ERCC2: variants seen among roughly 807,000 people sequenced by gnomAD.
ERCC2 encodes the protein ERCC excision repair 2, TFIIH core complex helicase subunit.
In ERCC2, 90 loss-of-function variants were observed where a neutral mutation model predicts 99.4. The observed-to-expected ratio is 0.91, with a 90% CI of 0.76 to 1.08. The LOEUF (loss-of-function observed/expected upper bound fraction) is 1.08, where lower values mean the gene tolerates loss of function less well. Ranked by LOEUF, ERCC2 falls within the 50% of genes least tolerant of loss-of-function variation. The probability of loss-of-function intolerance (pLI) is 0.00; values close to 1 mark genes in which losing one functional copy is unlikely to be tolerated. For missense variants in ERCC2, 993 were observed against 1,038.1 expected (o/e 0.96, Z 0.60); for synonymous variants, 497 against 432.4 (o/e 1.15, Z -1.85).
chr19:45,355,078 C>T (rs758827988), intron 16 of ERCC2, among the ~76,000 whole-genome samples: 31 of 152,304 alleles, frequency 2.0e-4, no homozygotes, highest in Non-Finnish European at 3.7e-4. Context: ...CAGAAGGGGC[C>T]GGGCGCTGTG....
rs925666617 is a variant in ERCC2 at position 45,351,444 on chromosome 19, T to C, written c.*185A>G. 2 of 1,585,098 alleles carry C rather than the reference T, an allele frequency of 1.3e-6. No homozygotes were observed. The highest frequency in any genetic ancestry group is 2.7e-5 in the African/African-American group (2 of 74,576). ...GGGTGAGAGGGGGTCTATCATCTCC[T>C]GGCCCCCCCTTGCCTCTGGGTACCT... is the stretch of plus-strand genomic sequence containing the variant. On this transcript the variant is annotated 3_prime_UTR_variant, in exon 23 of 23. Coordinates refer to ENST00000391945, the MANE Select transcript of ERCC2 (RefSeq NM_000400.4).
intron 12 of ERCC2, among the ~76,000 whole-genome samples, chr19:45,360,652 A>G (rs1972187962): frequency 6.6e-6 from 1 of 151,212 alleles, no homozygotes; most frequent in African/African-American, 2.4e-5. Context: ...TGCTGGGATT[A>G]TGGGCGTGAG....
At chr19:45,355,811 A>G in intron 15 of ERCC2, 83 bp from the exon 16 acceptor site, 2 of 958,868 alleles carry the variant, frequency 2.1e-6, no homozygotes, top group Admixed American at 4.4e-5. Context: ...GTGCTGTTCT[A>G]AGCTTTTTTT....
At chr19:45,352,162 G>A in intron 22 of ERCC2, 47 bp downstream of exon 22, 1 of 1,605,828 alleles carries the variant, frequency 6.2e-7, no homozygotes, top group Non-Finnish European at 8.5e-7. Flanking sequence ...CTTTCTGGAG[G>A]AGAAGCTCAG....
chr19:45,350,601 G>T lies in ERCC2; in HGVS notation c.*1028C>A, dbSNP rs374863110. The T allele has an allele frequency of 4.0e-5, 65 of 1,613,482 alleles. No individual in the cohort carries two copies. Among genetic ancestry groups the T allele is most frequent in the Non-Finnish European group, 5.3e-5 (62 of 1,179,686 alleles). ...CCTGGGGTGGGCGTGGGGACTGCAT[G>T]GGCCTGGGGGACTGAGCAGCATCCC... On this transcript the variant is annotated 3_prime_UTR_variant, in exon 23 of 23. Coordinates refer to ENST00000391945, the MANE Select transcript of ERCC2 (RefSeq NM_000400.4).
At position 45,370,196 on chromosome 19, in the gene ERCC2, G is replaced by C. The variant is rs141622611; in HGVS notation, c.42C>G (p.Tyr14Ter). Residue 14 changes from tyrosine to a stop codon, truncating the protein, a stop_gained, in exon 2 of 23, where the codon TAC becomes TAG. Transcript: ENST00000391945. LOFTEE classifies it high-confidence loss of function. ...NVDGLLVYFP[Y>*]DYIYPEQFSY... ...AGAACTGCTCGGGGTAGATGTAGTC[G>C]TACGGGAAGTAGACCAGGAGCCCGT... 1 of 1,613,434 alleles carries C rather than the reference G, an allele frequency of 6.2e-7. No homozygotes were observed. Among genetic ancestry groups the C allele is most frequent in the Non-Finnish European group, 8.5e-7 (1 of 1,179,474 alleles).
At chr19:45,354,505 G>A (rs770920101) in intron 17 of ERCC2, among the ~76,000 whole-genome samples, 2 of 152,196 alleles carry the variant, frequency 1.3e-5, no homozygotes, top group Non-Finnish European at 2.9e-5. Flanking sequence ...ACTCCTCTGA[G>A]GGAGGGGCCC....
chr19:45,353,966 A>G (rs1376490810), intron 17 of ERCC2, among the ~76,000 whole-genome samples: 2 of 152,314 alleles, frequency 1.3e-5, no homozygotes, highest in East Asian at 3.9e-4. Context: ...GTAGGACACA[A>G]AAGGCACCTG....
At chr19:45,354,324 G>C (rs951278016) in intron 17 of ERCC2, among the ~76,000 whole-genome samples, 2 of 152,208 alleles carry the variant, frequency 1.3e-5, no homozygotes, top group East Asian at 3.9e-4. Flanking sequence ...CTCGCCCCGA[G>C]TCTTGGTCCA....
chr19:45,352,709 A>C, intron 20 of ERCC2, 37 bp downstream of exon 20: 1 of 1,613,970 alleles, frequency 6.2e-7, no homozygotes, highest in Non-Finnish European at 8.5e-7. Flanking sequence ...CCTTGATCCT[A>C]ACACTGTGGG....
intron 12 of ERCC2, 96 bp from the exon 13 acceptor site, chr19:45,357,795 A>G: frequency 9.1e-7 from 1 of 1,103,698 alleles, no homozygotes; most frequent in East Asian, 2.5e-5. Flanking sequence ...GCTTCACCCC[A>G]ATCTCCACCC....
At chr19:45,359,471 G>A (rs1475989837) in intron 12 of ERCC2, among the ~76,000 whole-genome samples, 1 of 152,208 alleles carries the variant, frequency 6.6e-6, no homozygotes, top group African/African-American at 2.4e-5. Flanking sequence ...AAACCCCCAG[G>A]AGGCAGACTG....
intron 15 of ERCC2, among the ~76,000 whole-genome samples, chr19:45,356,954 G>A (rs1028811878): frequency 6.6e-6 from 1 of 152,326 alleles, no homozygotes. Context: ...TCGGCAAGAT[G>A]CTAAGATGCT....
chr19:45,361,692 G>A (rs759699861), intron 11 of ERCC2, 50 bp from the exon 12 acceptor site: 1 of 1,342,442 alleles, frequency 7.4e-7, no homozygotes, highest in Non-Finnish European at 1.1e-6. Flanking sequence ...GCATGAGCAG[G>A]ACCAGCAGCC....
At chr19:45,366,362 G>A (rs1247640836) in intron 5 of ERCC2, among the ~76,000 whole-genome samples, 3 of 151,076 alleles carry the variant, frequency 2.0e-5, no homozygotes, top group African/African-American at 2.4e-5. Flanking sequence ...AGCTGGTCTC[G>A]AACTCCTGAT....
rs955216102 is a variant in ERCC2, at chr19:45,364,751, C to T, written c.594+87G>A. On this transcript the variant is annotated intron_variant, in intron 7 of 22. Coordinates refer to ENST00000391945, the MANE Select transcript of ERCC2 (RefSeq NM_000400.4). ...TGCAGACAGGCAGACTCACAGCAAGCAACAGACAGACATGGGCAGACAGGA... is the reference window on the plus strand; with the variant it reads ...TGCAGACAGGCAGACTCACAGCAAGTAACAGACAGACATGGGCAGACAGGA... 5.5e-6 allele frequency: 7 copies of T among 1,280,064 alleles called. No homozygotes were observed. The Middle Eastern group carries it at 5.5e-4, about 101-fold the overall frequency. The allele number at this position is 1,280,064 out of a possible 1,614,324, so 79.3% of individuals were successfully genotyped here. A position where few individuals can be genotyped will look rare whatever the true frequency, so the allele number is the denominator to read the frequency against.
At chr19:45,366,410 G>C (rs903982641) in intron 5 of ERCC2, among the ~76,000 whole-genome samples, 1 of 152,154 alleles carries the variant, frequency 6.6e-6, no homozygotes, top group Non-Finnish European at 1.5e-5. Context: ...CCAAAGTGCT[G>C]GGATTATAGG....
At position 45,350,674 on chromosome 19, in the gene ERCC2, CGT is replaced by C; in HGVS notation, c.*953_*954del. 1 of 1,613,784 alleles carries C rather than the reference CGT, an allele frequency of 6.2e-7. No homozygotes were observed. The highest frequency in any genetic ancestry group is 1.7e-4 in the Middle Eastern group (1 of 6,036). The stretch of plus-strand genomic sequence containing the variant: ...CCGCAGCAGCTCACTCTCCAAGATC[CGT>C]GAGTCTATCAGGCGAGGAAGTGAGA... On this transcript the variant is annotated 3_prime_UTR_variant, in exon 23 of 23. Transcript: ENST00000391945.
chr19:45,362,168 C>T (rs1223188267), intron 11 of ERCC2, among the ~76,000 whole-genome samples: 5 of 152,178 alleles, frequency 3.3e-5, no homozygotes, highest in Non-Finnish European at 5.9e-5. Flanking sequence ...TCGTGATCCA[C>T]CTGCCTCAGC....
Sources: allele counts gnomAD v4.1 joint callset (sites outside exome capture counted in the v4.1 genomes callset), GRCh38; gene constraint gnomAD v4.1.1; transcripts MANE v1.5; gene names NCBI Gene and HGNC (gene_info 2026-07-23, HGNC 2026-07-21).